DPH6: variants seen among roughly 807,000 people sequenced by gnomAD.
The protein encoded by DPH6 is diphthine--ammonia ligase.
DPH6 carries 33 observed loss-of-function variants against 38.2 expected under a neutral mutation model. That is an observed-to-expected ratio of 0.86 (90% confidence interval 0.65 to 1.15). The LOEUF is 1.15. DPH6 is among the 50% of genes most tolerant of loss of function. DPH6 has a pLI of 0.00. For missense variants in DPH6, 325 were observed against 320.0 expected (o/e 1.02, Z -0.12); for synonymous variants, 108 against 103.0 (o/e 1.05, Z -0.30).
intron 1 of DPH6, among the ~76,000 whole-genome samples, chr15:35,543,794 T>C (rs1169593482): frequency 1.3e-5 from 2 of 152,166 alleles, no homozygotes; most frequent in Non-Finnish European, 2.9e-5. Flanking sequence ...GGTATCCCCA[T>C]AAGTAGGTCT....
At chr15:35,278,255 C>G (rs1283320341) in intron 3 of DPH6, among the ~76,000 whole-genome samples, 1 of 152,218 alleles carries the variant, frequency 6.6e-6, no homozygotes, top group Non-Finnish European at 1.5e-5. Flanking sequence ...TGCTCCAGCT[C>G]CAGATGTGGC....
intron 7 of DPH6, among the ~76,000 whole-genome samples, chr15:35,374,482 G>A (rs2052754530): frequency 6.6e-6 from 1 of 151,982 alleles, no homozygotes; most frequent in South Asian, 2.1e-4. Context: ...ATCATGCAAA[G>A]TTACTCGGTG....
chr15:35,450,654 A>T, intron 5 of DPH6, 31 bp downstream of exon 5: 1 of 1,564,610 alleles, frequency 6.4e-7, no homozygotes, highest in Non-Finnish European at 8.8e-7. Flanking sequence ...ATGTGGCAAC[A>T]AACAGCTCCC....
intron 3 of DPH6, among the ~76,000 whole-genome samples, chr15:35,309,748 C>A (rs2052124419): frequency 6.6e-6 from 1 of 152,188 alleles, no homozygotes; most frequent in Admixed American, 6.5e-5. Flanking sequence ...GAACAGTGAT[C>A]TTAAAAGTGA....
At chr15:35,436,477 AC>A (rs1484888649) in intron 5 of DPH6, among the ~76,000 whole-genome samples, 8 of 108,892 alleles carry the variant, frequency 7.3e-5, no homozygotes, top group African/African-American at 4.8e-4. Context: ...AACAAAACAA[AC>A]AAAAACAAAA....
At chr15:35,175,655 G>A in the DPH6 span, among the ~76,000 whole-genome samples, 4 of 145,442 alleles carry the variant, frequency 2.8e-5, no homozygotes, top group Non-Finnish European at 4.5e-5. Flanking sequence ...TGTTATATTA[G>A]CACTTTTTCA....
At chr15:35,530,263 A>T (rs1370857279) in intron 3 of DPH6, among the ~76,000 whole-genome samples, 1 of 152,142 alleles carries the variant, frequency 6.6e-6, no homozygotes, top group African/African-American at 2.4e-5. Flanking sequence ...AGAAGGAGAC[A>T]TCTACAAAAG....
downstream of DPH6, among the ~76,000 whole-genome samples, chr15:35,217,164 T>C (rs1394293808): frequency 1.3e-5 from 2 of 152,170 alleles, no homozygotes; most frequent in Non-Finnish European, 2.9e-5. Flanking sequence ...ATGTAACTAG[T>C]TACATCACCA....
intron 6 of DPH6, among the ~76,000 whole-genome samples, chr15:35,390,461 C>T (rs962005905): frequency 2.6e-5 from 4 of 152,206 alleles, no homozygotes; most frequent in African/African-American, 9.7e-5. Context: ...CCATTCTCCC[C>T]ATCACTTTCA....
intron 3 of DPH6, among the ~76,000 whole-genome samples, chr15:35,296,173 T>C (rs2052013554): frequency 6.6e-6 from 1 of 152,118 alleles, no homozygotes; most frequent in South Asian, 2.1e-4. Context: ...TCCCCTGACC[T>C]CTTGATCCAC....
intron 3 of DPH6, among the ~76,000 whole-genome samples, chr15:35,460,478 C>A (rs890239789): frequency 2.0e-5 from 3 of 152,126 alleles, no homozygotes; most frequent in Non-Finnish European, 4.4e-5. Flanking sequence ...CTCTCCGACA[C>A]AAGTGAGACT....
chr15:35,318,492 T>C (rs1017555398), intron 3 of DPH6, among the ~76,000 whole-genome samples: 17 of 152,286 alleles, frequency 1.1e-4, no homozygotes, highest in Admixed American at 5.2e-4. Flanking sequence ...AGTGCACACA[T>C]TGATAAGAGA....
chr15:35,147,262 A>G, the DPH6 span, among the ~76,000 whole-genome samples: 4 of 152,352 alleles, frequency 2.6e-5, no homozygotes, highest in Admixed American at 2.6e-4. Flanking sequence ...CTTAAGCAGC[A>G]AAACTAAGAT....
intron 3 of DPH6, among the ~76,000 whole-genome samples, chr15:35,318,966 C>T (rs2052216866): frequency 1.3e-5 from 2 of 152,020 alleles, no homozygotes; most frequent in Non-Finnish European, 1.5e-5. Context: ...TGAAAAAGAG[C>T]CAGCTGGTCA....
intron 3 of DPH6, among the ~76,000 whole-genome samples, chr15:35,334,257 AC>A (rs1422912412): frequency 6.6e-6 from 1 of 152,174 alleles, no homozygotes; most frequent in East Asian, 1.9e-4. Context: ...TAATTCTAAT[AC>A]CCTTGAATTT....
intron 6 of DPH6, among the ~76,000 whole-genome samples, chr15:35,409,990 A>G (rs1182039731): frequency 1.4e-4 from 22 of 151,848 alleles, no homozygotes; most frequent in Non-Finnish European, 1.5e-5. Flanking sequence ...TAAACCATAA[A>G]ATAATCAATT....
chr15:35,476,924 C>G (rs2054270731), intron 3 of DPH6, among the ~76,000 whole-genome samples: 1 of 151,672 alleles, frequency 6.6e-6, no homozygotes, highest in Admixed American at 6.6e-5. Context: ...TATTTTCTTT[C>G]CATGGAAACC....
At chr15:35,386,221 C>G (rs2052954572) in intron 6 of DPH6, among the ~76,000 whole-genome samples, 1 of 152,158 alleles carries the variant, frequency 6.6e-6, no homozygotes, top group Admixed American at 6.6e-5. Flanking sequence ...TGTATATGTG[C>G]CACATTTTCT....
At chr15:35,167,218 CT>C in the DPH6 span, among the ~76,000 whole-genome samples, 1 of 152,064 alleles carries the variant, frequency 6.6e-6, no homozygotes, top group Non-Finnish European at 1.5e-5. Flanking sequence ...CACTGGAAGA[CT>C]CAGAAGAATA....
Sources: allele counts gnomAD v4.1 joint callset (sites outside exome capture counted in the v4.1 genomes callset), GRCh38; gene constraint gnomAD v4.1.1; transcripts MANE v1.5; gene names NCBI Gene and HGNC (gene_info 2026-07-23, HGNC 2026-07-21).